Variants in OSBPL10 observed in about 807,000 individuals in gnomAD.
OSBPL10 encodes oxysterol binding protein like 10, also known as oxysterol-binding protein-related protein 10.
Under a neutral mutation model 81.7 loss-of-function variants are expected in OSBPL10, and 49 were observed. That is an observed-to-expected ratio of 0.60 (90% CI 0.48 to 0.76). The LOEUF is 0.76. Among genes scored for constraint, OSBPL10 ranks in the 30% least tolerant of loss-of-function variants. The pLI, the probability that OSBPL10 is intolerant of heterozygous loss-of-function variation, is 0.00. For missense variants in OSBPL10, 923 were observed against 987.8 expected, an observed-to-expected ratio of 0.93 and a Z score of 0.88; for synonymous variants, 419 against 383.6, an observed-to-expected ratio of 1.09 and a Z score of -1.08.
intron 4 of OSBPL10, among the ~76,000 whole-genome samples, chr3:31,784,358 G>A (rs1698802448): frequency 6.6e-6 from 1 of 150,898 alleles, no homozygotes; most frequent in Non-Finnish European, 1.5e-5. Context: ...GATGGGAAAG[G>A]AAAGGAAAAG....
chr3:32,049,648 T>A (rs9877445), intron 1 of OSBPL10, among the ~76,000 whole-genome samples: 6,169 of 152,206 alleles, frequency 0.041, 354 homozygotes, highest in African/African-American at 0.12. Context: ...GCACTATGAG[T>A]TCTTAACCAC....
intron 1 of OSBPL10, among the ~76,000 whole-genome samples, chr3:31,910,419 G>A (rs2125691465): frequency 6.6e-6 from 1 of 151,412 alleles, no homozygotes; most frequent in South Asian, 2.1e-4. Context: ...CAGATTACCT[G>A]AGATCAGGAG....
At chr3:32,059,422 A>G (rs1159153764) in intron 1 of OSBPL10, among the ~76,000 whole-genome samples, 1 of 151,822 alleles carries the variant, frequency 6.6e-6, no homozygotes, top group African/African-American at 2.4e-5. Context: ...CCCCACCTCT[A>G]CTAAAAATAC....
chr3:31,847,467 G>A (rs1022737388), intron 3 of OSBPL10, among the ~76,000 whole-genome samples: 1 of 152,096 alleles, frequency 6.6e-6, no homozygotes, highest in Non-Finnish European at 1.5e-5. Context: ...GGGATTACAG[G>A]TGTGAGCCAC....
At chr3:31,989,866 T>G (rs1475412617) in intron 2 of OSBPL10, 2 of 1,614,204 alleles carry the variant, frequency 1.2e-6, no homozygotes, top group Non-Finnish European at 1.7e-6. Context: ...ATGTGATGTA[T>G]GTGGCAAGGT....
In OSBPL10 at chr3:31,668,774, G is replaced by A; in HGVS notation, c.1964C>T (p.Ala655Val). The A allele has an allele frequency of 6.2e-7, 1 of 1,613,888 alleles. No homozygotes were observed. Among genetic ancestry groups the A allele is most frequent in the South Asian group, 1.1e-5 (1 of 91,032 alleles). Reference sequence around the variant, plus strand: ...TAAAGTACCATTCCATTCCCCATGGGCTTTACAAACAATGGTGTTGGTTGG... The same window carrying A: ...TAAAGTACCATTCCATTCCCCATGGACTTTACAAACAATGGTGTTGGTTGG... ...HNPTNTIVCK[A>V]HGEWNGTLEF... The change falls in exon 10 of 12, where the codon GCC (alanine) becomes GTC (valine). Residue 655 changes from alanine to valine, a missense_variant. Transcript: ENST00000396556.
intron 3 of OSBPL10, among the ~76,000 whole-genome samples, chr3:31,863,163 A>G (rs1046299456): frequency 2.6e-5 from 4 of 152,252 alleles, no homozygotes; most frequent in Non-Finnish European, 4.4e-5. Flanking sequence ...AGCCAGACAC[A>G]AAGAGACACA....
At chr3:31,891,315 T>A (rs11720406) in intron 1 of OSBPL10, among the ~76,000 whole-genome samples, 1 of 151,920 alleles carries the variant, frequency 6.6e-6, no homozygotes, top group Non-Finnish European at 1.5e-5. Flanking sequence ...TCAGGAGGTC[T>A]GGGTGGAGCA....
Position 32,016,411 on chromosome 3 carries a change from A to T in OSBPL10, n.298+30080T>A, listed in dbSNP as rs150665965. The stretch of plus-strand genomic sequence containing the variant: ...AATTGAACAATGAGAACACATGGAC[A>T]CAGGAAGGGGAACATCACACACTGG... On this transcript the variant is annotated intron_variant and non_coding_transcript_variant, in intron 2 of 3. Coordinates refer to the OSBPL10 transcript ENST00000479173. 9.8e-3 allele frequency among the ~76,000 whole-genome samples: 1,491 copies of T among 152,226 alleles called. 32 individuals are homozygous for T. The highest frequency in any genetic ancestry group is 0.034 in the African/African-American group (1,404 of 41,540).
At chr3:31,803,606 G>T (rs1428488052) in intron 4 of OSBPL10, among the ~76,000 whole-genome samples, 1 of 152,260 alleles carries the variant, frequency 6.6e-6, no homozygotes, top group East Asian at 1.9e-4. Context: ...TTCAAATGAA[G>T]AAATTTATAT....
rs375734638 is a variant in OSBPL10 at position 31,995,198 on chromosome 3, G to T, written n.298+51293C>A. Among the ~76,000 whole-genome samples the T allele has an allele frequency of 3.9e-5, 6 of 152,140 alleles. No individual in the cohort carries two copies. The East Asian group carries it at 9.6e-4, about 24-fold the overall frequency. On this transcript the variant is annotated intron_variant and non_coding_transcript_variant, in intron 2 of 3. Coordinates refer to the OSBPL10 transcript ENST00000479173. Reference sequence around the variant, plus strand: ...AAACAGAGTTTGAGAGCAGAGAACTGGTCTGACCTCAAATTTACCAGGCTG... The same window carrying T: ...AAACAGAGTTTGAGAGCAGAGAACTTGTCTGACCTCAAATTTACCAGGCTG...
chr3:31,960,216 C>T (rs954800163), intron 1 of OSBPL10: 2 of 152,152 alleles, frequency 1.3e-5, no homozygotes, highest in Non-Finnish European at 2.9e-5. Flanking sequence ...GAGATCGCTT[C>T]TGAACTTTTA....
chr3:31,744,269 G>A (rs112206375), intron 5 of OSBPL10, among the ~76,000 whole-genome samples: 7,492 of 152,146 alleles, frequency 0.049, 253 homozygotes, highest in Middle Eastern at 0.11. Context: ...AGCCAGGTGC[G>A]GTGGCTCACG....
chr3:31,751,591 C>G (rs955159995), intron 4 of OSBPL10, among the ~76,000 whole-genome samples: 1 of 152,096 alleles, frequency 6.6e-6, no homozygotes, highest in Non-Finnish European at 1.5e-5. Flanking sequence ...ACAAAGAACA[C>G]TGCCGTTTAA....
chr3:31,829,914 G>A (rs1374425175), intron 4 of OSBPL10, 126 bp downstream of exon 4: 8 of 916,352 alleles, frequency 8.7e-6, no homozygotes, highest in African/African-American at 8.5e-5. Context: ...CCGTGTGGCT[G>A]GGAGGTTTGC....
chr3:31,929,331 T>G (rs1697168729), intron 1 of OSBPL10, among the ~76,000 whole-genome samples: 1 of 152,118 alleles, frequency 6.6e-6, no homozygotes, highest in African/African-American at 2.4e-5. Flanking sequence ...TCAACATAAT[T>G]AGACAAGAAA....
intron 2 of OSBPL10, among the ~76,000 whole-genome samples, chr3:32,041,144 T>C (rs936088379): frequency 6.6e-6 from 1 of 152,082 alleles, no homozygotes; most frequent in Non-Finnish European, 1.5e-5. Context: ...CATGCCACTC[T>C]AGAGACAGTG....
At chr3:31,983,931 G>GT (rs1456838378), upstream of OSBPL10, among the ~76,000 whole-genome samples, 2 of 152,204 alleles carry the variant, frequency 1.3e-5, no homozygotes, top group Admixed American at 1.3e-4. Context: ...TGCAATAGAG[G>GT]AAGAGTTTAA....
chr3:31,895,494 A>C (rs1696029168), intron 1 of OSBPL10, among the ~76,000 whole-genome samples: 2 of 151,774 alleles, frequency 1.3e-5, no homozygotes, highest in Admixed American at 6.6e-5. Context: ...TTAACTCAGA[A>C]TCTCTGGGGA....
Sources: allele counts gnomAD v4.1 joint callset (sites outside exome capture counted in the v4.1 genomes callset), GRCh38; gene constraint gnomAD v4.1.1; transcripts MANE v1.5; gene names NCBI Gene and HGNC (gene_info 2026-07-23, HGNC 2026-07-21).